EIF2AK1: variants seen among roughly 807,000 people sequenced by gnomAD.
EIF2AK1 encodes the protein eukaryotic translation initiation factor 2 alpha kinase 1, also known as eukaryotic translation initiation factor 2-alpha kinase 1.
EIF2AK1 carries 54 observed loss-of-function variants against 77.9 expected under a neutral mutation model. That is an observed-to-expected ratio of 0.69 (90% CI 0.56 to 0.87). The LOEUF (loss-of-function observed/expected upper bound fraction) is 0.87, where lower values mean the gene tolerates loss of function less well. Ranked by LOEUF, EIF2AK1 falls within the 40% of genes least tolerant of loss-of-function variation. The pLI is 0.00. For missense variants in EIF2AK1, 810 were observed against 768.6 expected (o/e 1.05, Z -0.64); for synonymous variants, 314 against 290.5 (o/e 1.08, Z -0.82).
intron 3 of EIF2AK1, chr7:6,049,680 G>A (rs1433890613): frequency 1.4e-5 from 5 of 364,216 alleles, no homozygotes; most frequent in Non-Finnish European, 2.4e-5. Context: ...AGGCTGGAGT[G>A]CAGTGGCACA....
At chr7:6,047,381 T>C (rs1788476652) in intron 4 of EIF2AK1, 2 of 432,072 alleles carry the variant, frequency 4.6e-6, no homozygotes. Flanking sequence ...GAAATAAATT[T>C]ACTGAAATTT....
chr7:6,038,653 G>C lies in EIF2AK1; in HGVS notation c.1138C>G (p.Leu380Val). 1 of 1,612,478 alleles carries C rather than the reference G, an allele frequency of 6.2e-7. No homozygotes were observed. The highest frequency in any genetic ancestry group is 8.5e-7 in the Non-Finnish European group (1 of 1,179,156). Reference protein sequence around the residue: ...GQTEAQYHLMLHIQMQLCELS... With the variant: ...GQTEAQYHLMVHIQMQLCELS... Reference sequence around the variant, plus strand: ...TCACACAGCTGCATCTGGATGTGCAGCATCAGGTGGTACTGTGCCTAGGAG... The same window carrying C: ...TCACACAGCTGCATCTGGATGTGCACCATCAGGTGGTACTGTGCCTAGGAG... The change falls in exon 10 of 15, where the codon CTG (leucine) becomes GTG (valine). Residue 380 changes from leucine (L) to valine (V), a missense_variant. By Grantham distance (32) the Leu-to-Val change is conservative (BLOSUM62 1). Transcript: ENST00000199389.
At position 6,029,776 on chromosome 7, in the gene EIF2AK1, A is replaced by C. The variant is rs529429103; in HGVS notation, c.1333-744T>G. ...GGCGGGCAAATCGCCTGAGGTCAGG[A>C]GTTCAAGACCAGGCTGGCCAACATG... On this transcript the variant is annotated intron_variant, in intron 11 of 14. Transcript: ENST00000199389. Among the ~76,000 whole-genome samples, 285 of 152,148 alleles carry C rather than the reference A, an allele frequency of 1.9e-3. 1 individual carries two copies. The highest frequency in any genetic ancestry group is 3.5e-3 in the Admixed American group (53 of 15,274).
rs566975863 is a variant in EIF2AK1 at position 6,041,133 on chromosome 7, C to T, written c.878G>A (p.Gly293Glu). The change falls in exon 9 of 15, where the codon GGA becomes GAA. Residue 293 changes from glycine (G) to glutamate (E), a missense_variant. By Grantham distance (98) the Gly-to-Glu change is moderately conservative (BLOSUM62 -2). This residue lies in a region of EIF2AK1 where 549 missense variants were observed against 533.7 expected (regional missense o/e 1.03). Transcript: ENST00000199389. ...ATTCTGATTTTCAGTGTCAGATTCTCCAAAGCGTTTTTCTTTTTCTGGGGT... is the reference window on the plus strand; with the variant it reads ...ATTCTGATTTTCAGTGTCAGATTCTTCAAAGCGTTTTTCTTTTTCTGGGGT... ...EPTPEKEKRF[G>E]ESDTENQNNK... 12 of 1,613,892 alleles carry T rather than the reference C, an allele frequency of 7.4e-6. No homozygotes were observed. Among genetic ancestry groups the T allele is most frequent in the Non-Finnish European group, 9.3e-6 (11 of 1,180,030 alleles).
At chr7:6,037,579 G>T in intron 10 of EIF2AK1, 55 bp from the exon 11 acceptor site, 1 of 1,036,018 alleles carries the variant, frequency 9.7e-7, no homozygotes, top group Non-Finnish European at 1.5e-6. Context: ...CATTACATGG[G>T]CATCTAAATA....
intron 1 of EIF2AK1, among the ~76,000 whole-genome samples, chr7:6,055,676 TAAAAA>T (rs34819894): frequency 8.6e-6 from 1 of 116,252 alleles, no homozygotes; most frequent in African/African-American, 3.2e-5. Flanking sequence ...ACTAAACAGG[TAAAAA>T]AAAAAAAAAA....
Position 6,054,629 on chromosome 7 carries a change from T to G in EIF2AK1, c.194A>C (p.Asn65Thr). The change falls in exon 2 of 15, where the codon AAC (asparagine) becomes ACC (threonine). Residue 65 changes from asparagine (N) to threonine (T), a missense_variant. Physicochemically the swap from Asn to Thr is moderately conservative, Grantham distance 65 (BLOSUM62 0). This residue lies in a region of EIF2AK1 where 246 missense variants were observed against 199.0 expected (regional missense o/e 1.24). Coordinates refer to ENST00000199389, the MANE Select transcript of EIF2AK1 (RefSeq NM_014413.4). ...QQPTFPFAVANQLLLVSLLEH... is the reference protein window; with the variant it reads ...QQPTFPFAVATQLLLVSLLEH... ...CAGCAAAGAAACCAGCAAGAGTTGGTTTGCAACTGCAAAAGGGAAGGTTGG... is the reference window on the plus strand; with the variant it reads ...CAGCAAAGAAACCAGCAAGAGTTGGGTTGCAACTGCAAAAGGGAAGGTTGG... 1 of 1,614,134 alleles carries G rather than the reference T, an allele frequency of 6.2e-7. No homozygotes were observed. Among genetic ancestry groups the G allele is most frequent in the South Asian group, 1.1e-5 (1 of 91,078 alleles).
At chr7:6,030,963 G>A (rs1285706585) in intron 11 of EIF2AK1, among the ~76,000 whole-genome samples, 3 of 152,124 alleles carry the variant, frequency 2.0e-5, no homozygotes, top group Admixed American at 6.6e-5. Context: ...TGGGGAGAGG[G>A]AAGATTCTAT....
At chr7:6,047,529 C>T (rs189125696) in intron 4 of EIF2AK1, among the ~76,000 whole-genome samples, 3 of 151,958 alleles carry the variant, frequency 2.0e-5, no homozygotes, top group East Asian at 1.9e-4. Flanking sequence ...AAAAATTAGC[C>T]GGGTGTGGTG....
chr7:6,026,071 T>TC (rs1481245981), intron 14 of EIF2AK1, among the ~76,000 whole-genome samples: 3 of 151,552 alleles, frequency 2.0e-5, no homozygotes, highest in Non-Finnish European at 4.4e-5. Flanking sequence ...CCCCTGCCTC[T>TC]CCCCGGTGGT....
At position 6,042,972 on chromosome 7, in the gene EIF2AK1, A is replaced by T. The variant is rs1788339759; in HGVS notation, c.752T>A (p.Leu251Ter). ...QPRADRAAIELPSLEVLSDQE... is the reference protein window; with the variant it reads ...QPRADRAAIE Reference sequence around the variant, plus strand: ...GTCGGAGAGCACTTCCAGAGATGGCAACTCAATGGCAGCTCTGTCTGCTGA... The same window carrying T: ...GTCGGAGAGCACTTCCAGAGATGGCTACTCAATGGCAGCTCTGTCTGCTGA... The change falls in exon 8 of 15, where the codon TTG becomes TAG. Residue 251 changes from leucine (L) to a stop codon, truncating the protein, a stop_gained. Coordinates refer to ENST00000199389, the MANE Select transcript of EIF2AK1 (RefSeq NM_014413.4). LOFTEE classifies it high-confidence loss of function. 1 of 1,614,048 alleles carries T rather than the reference A, an allele frequency of 6.2e-7. No individual in the cohort carries two copies. The highest frequency in any genetic ancestry group is 8.5e-7 in the Non-Finnish European group (1 of 1,180,004).
intron 5 of EIF2AK1, 78 bp downstream of exon 5, chr7:6,046,914 A>T: frequency 1.5e-6 from 2 of 1,314,664 alleles, no homozygotes; most frequent in Non-Finnish European, 2.1e-6. Flanking sequence ...AAATAAATAA[A>T]TAAAAGAATA....
chr7:6,058,246 CAA>C (rs749705392), intron 1 of EIF2AK1: 236 of 337,236 alleles, frequency 7.0e-4, no homozygotes, highest in Middle Eastern at 2.3e-3. Context: ...CACATCTCTG[CAA>C]AAAAAAAAAA....
At chr7:6,051,392 C>T (rs1788604490) in intron 2 of EIF2AK1, among the ~76,000 whole-genome samples, 1 of 151,422 alleles carries the variant, frequency 6.6e-6, no homozygotes, top group Non-Finnish European at 1.5e-5. Context: ...CTGCCTCAGT[C>T]GCCTGAGTAG....
intron 2 of EIF2AK1, among the ~76,000 whole-genome samples, chr7:6,052,338 C>A (rs1460512620): frequency 1.3e-5 from 2 of 151,622 alleles, no homozygotes; most frequent in Non-Finnish European, 2.9e-5. Context: ...TCCCAGTCAC[C>A]AATGCTTCAG....
chr7:6,040,660 A>T (rs904686698), intron 9 of EIF2AK1, among the ~76,000 whole-genome samples: 12 of 152,184 alleles, frequency 7.9e-5, no homozygotes, highest in African/African-American at 2.9e-4. Context: ...ACTCAAGATG[A>T]TCTGAAGCTG....
rs1788879815 is a variant in EIF2AK1, at chr7:6,059,061, A to C, written c.23T>G (p.Val8Gly). The C allele has an allele frequency of 6.1e-6, 9 of 1,474,228 alleles. No individual in the cohort carries two copies. The highest frequency in any genetic ancestry group is 6.3e-6 in the Non-Finnish European group (7 of 1,118,718). The allele number at this position is 1,474,228 out of a possible 1,614,324, so 91.3% of individuals were successfully genotyped here. The change falls in exon 1 of 15, where the codon GTC becomes GGC. Residue 8 changes from valine (V) to glycine (G), a missense_variant. Physicochemically the swap from Val to Gly is moderately radical, Grantham distance 109. Coordinates refer to ENST00000199389, the MANE Select transcript of EIF2AK1 (RefSeq NM_014413.4). MQGGNSG[V>G]RKREEEGDGA... ...GTCGCCCTCCTCTTCGCGCTTGCGG[A>C]CCCCGGAGTTGCCCCCCTGCATCGC...
intron 14 of EIF2AK1, among the ~76,000 whole-genome samples, chr7:6,025,825 G>A (rs1286564644): frequency 6.6e-6 from 1 of 151,934 alleles, no homozygotes. Context: ...AGTAGATGGG[G>A]TTTCACCATG....
chr7:6,027,142 AAG>A lies in EIF2AK1; in HGVS notation c.1531-183_1531-182del, dbSNP rs1787770323. Among the ~76,000 whole-genome samples the A allele has an allele frequency of 6.6e-6, 1 of 152,136 alleles. No homozygotes were observed. The highest frequency in any genetic ancestry group is 1.5e-5 in the Non-Finnish European group (1 of 68,024). On this transcript the variant is annotated intron_variant, in intron 13 of 14. Transcript: ENST00000199389. The surrounding 1 kb of genome is among the most constrained non-coding windows in gnomAD (Gnocchi z 4.5). ...TGACAGGGACTTTCACAACCTCAAA[AAG>A]GGGCATCCGTGGGCACGCAGAATGG...
Sources: gnomAD v4.1 joint callset for allele counts (sites outside exome capture counted in the v4.1 genomes callset) on GRCh38, gnomAD v4.1.1 for gene constraint, gnomAD v4.1.1 regional missense constraint, Gnocchi (gnomAD v3.1) non-coding constraint, MANE v1.5 for transcripts, NCBI Gene and HGNC (gene_info 2026-07-23, HGNC 2026-07-21) for gene names.